NDFIP2: variants seen among roughly 807,000 people sequenced by gnomAD.
NDFIP2 encodes the protein Nedd4 family interacting protein 2, also known as NEDD4 family-interacting protein 2.
NDFIP2 carries 19 observed loss-of-function variants against 36.0 expected under a neutral mutation model. The ratio of observed to expected loss-of-function variants is 0.53; its 90% CI spans 0.37 to 0.77. The LOEUF is 0.77. Among genes scored for constraint, NDFIP2 ranks in the 30% least tolerant of loss-of-function variants. The pLI is 0.00. For synonymous variants in NDFIP2, 181 were observed against 167.7 expected, an observed-to-expected ratio of 1.08 and a Z score of -0.61; for missense variants, 446 against 435.8, an observed-to-expected ratio of 1.02 and a Z score of -0.21.
intron 1 of NDFIP2, among the ~76,000 whole-genome samples, chr13:79,507,292 G>C (rs1196216655): frequency 2.2e-3 from 5 of 2,298 alleles, no homozygotes; most frequent in South Asian, 0.014. Context: ...TTTTTTTTTT[G>C]AGACGGAGTC....
At chr13:79,481,579 A>G (rs1291587133) in intron 1 of NDFIP2, 55 bp downstream of exon 1, 4 of 1,498,146 alleles carry the variant, frequency 2.7e-6, no homozygotes, top group Non-Finnish European at 3.6e-6. Flanking sequence ...CGGCGTCCCG[A>G]GAGTCCCTTT....
At chr13:79,529,256 A>T (rs953592220) in intron 2 of NDFIP2, among the ~76,000 whole-genome samples, 3 of 152,222 alleles carry the variant, frequency 2.0e-5, no homozygotes, top group Admixed American at 6.5e-5. Flanking sequence ...GTAGATAAAA[A>T]TAAGTAAAAT....
At chr13:79,525,493 C>T (rs915581453) in intron 2 of NDFIP2, among the ~76,000 whole-genome samples, 2 of 152,080 alleles carry the variant, frequency 1.3e-5, no homozygotes, top group Non-Finnish European at 2.9e-5. Flanking sequence ...CTCTCTTTGG[C>T]ATATCTGAAT....
chr13:79,503,394 A>T (rs925680556), intron 1 of NDFIP2, among the ~76,000 whole-genome samples: 3 of 152,146 alleles, frequency 2.0e-5, no homozygotes, highest in African/African-American at 7.2e-5. Context: ...GGACTAGAGA[A>T]TTGAGGGTGC....
chr13:79,537,639 T>C (rs1358080681), intron 3 of NDFIP2, among the ~76,000 whole-genome samples: 2 of 152,202 alleles, frequency 1.3e-5, no homozygotes, highest in Non-Finnish European at 2.9e-5. Context: ...TAATAAGCAA[T>C]ATAAAATGGT....
At position 79,481,284 on chromosome 13, in the gene NDFIP2, C is replaced by T. The variant is rs1034113540; in HGVS notation, c.81C>T (p.Leu27=). The part of the protein sequence containing the change: ...LNSARGAPEL[L]RGTATNAEVS... ...GCGCGCGCGGCGCCCCGGAGCTTCT[C>T]CGCGGAACCGCGACCAACGCGGAGG... The change falls in exon 1 of 8, where the codon CTC becomes CTT. Residue 27 remains leucine (L), a synonymous_variant. Transcript: ENST00000218652. 17 of 1,538,630 alleles carry T rather than the reference C, an allele frequency of 1.1e-5. No homozygotes were observed. The highest frequency in any genetic ancestry group is 4.9e-5 in the East Asian group (2 of 40,894).
At chr13:79,542,513 T>G (rs962119526) in intron 4 of NDFIP2, among the ~76,000 whole-genome samples, 19 of 148,290 alleles carry the variant, frequency 1.3e-4, no homozygotes, top group Non-Finnish European at 1.5e-5. Flanking sequence ...CTGTTTTTTG[T>G]TTTTTTTTTC....
chr13:79,492,999 C>T (rs1413609372), intron 1 of NDFIP2, among the ~76,000 whole-genome samples: 1 of 152,102 alleles, frequency 6.6e-6, no homozygotes, highest in African/African-American at 2.4e-5. Flanking sequence ...ATCTCCATTT[C>T]CTGCTCTTTA....
chr13:79,543,135 C>A (rs1428185222), intron 4 of NDFIP2, among the ~76,000 whole-genome samples: 3 of 152,170 alleles, frequency 2.0e-5, no homozygotes, highest in Non-Finnish European at 4.4e-5. Flanking sequence ...CCTTGGCCTC[C>A]CAAAGTGCTG....
chr13:79,529,522 TA>T (rs1874929083), intron 2 of NDFIP2, among the ~76,000 whole-genome samples: 1 of 152,228 alleles, frequency 6.6e-6, no homozygotes, highest in South Asian at 2.1e-4. Flanking sequence ...CTTTTAAAAC[TA>T]AAGAAATCTG....
chr13:79,543,409 T>G (rs1482189596), intron 4 of NDFIP2, 149 bp from the exon 5 acceptor site: 4 of 956,618 alleles, frequency 4.2e-6, no homozygotes, highest in Non-Finnish European at 6.2e-6. Flanking sequence ...TTGCAAAAAG[T>G]AGGCTATAGT....
intron 2 of NDFIP2, among the ~76,000 whole-genome samples, chr13:79,524,492 T>A (rs778293393): frequency 2.0e-4 from 30 of 152,336 alleles, no homozygotes; most frequent in Admixed American, 1.2e-3. Flanking sequence ...GGCAAGTGTA[T>A]GTGGCCTTGA....
chr13:79,536,254 C>T (rs1178031483), intron 3 of NDFIP2, among the ~76,000 whole-genome samples: 1 of 152,070 alleles, frequency 6.6e-6, no homozygotes, highest in Non-Finnish European at 1.5e-5. Flanking sequence ...GGGTAGGGCT[C>T]TTTTTTTGTA....
Position 79,556,058 on chromosome 13 carries a change from TATC to T in NDFIP2, c.*3549_*3551del, listed in dbSNP as rs775358477. 2.6e-5 allele frequency: 4 copies of T among 152,194 alleles called. No homozygotes were observed. Among genetic ancestry groups the T allele is most frequent in the Admixed American group, 6.5e-5 (1 of 15,272 alleles). The allele number at this position is 152,194 out of a possible 1,614,324, so 9.4% of individuals were successfully genotyped here. A position where few individuals can be genotyped will look rare whatever the true frequency, so the allele number is the denominator to read the frequency against. On this transcript the variant is annotated 3_prime_UTR_variant, in exon 8 of 8. Transcript: ENST00000218652. ...TGTGGTTTAATTTTAATAAACAAAA[TATC>T]ATCTTTTTGAAAATAATTTATGTTC...
rs557609296 is a variant in NDFIP2 at position 79,545,797 on chromosome 13, T to A, written c.840+2115T>A. On this transcript the variant is annotated intron_variant, in intron 5 of 7. Transcript: ENST00000218652. ...TGTCGCCCAGGCTGGAGTGCAGTGG[T>A]GCCATCTTGGCTCACTGCAACCTCC... 2.6e-5 allele frequency among the ~76,000 whole-genome samples: 4 copies of A among 152,244 alleles called. No homozygotes were observed. In the East Asian group the frequency reaches 7.7e-4, roughly 29 times the overall value.
intron 5 of NDFIP2, among the ~76,000 whole-genome samples, chr13:79,547,758 G>A (rs1875741971): frequency 6.6e-6 from 1 of 152,032 alleles, no homozygotes; most frequent in South Asian, 2.1e-4. Flanking sequence ...CTCTCTGTTG[G>A]GAACTGAATG....
chr13:79,522,117 C>T (rs144295682), intron 2 of NDFIP2, among the ~76,000 whole-genome samples: 58 of 152,226 alleles, frequency 3.8e-4, no homozygotes, highest in African/African-American at 1.3e-3. Flanking sequence ...CGTGAGCCAC[C>T]GTGCCTGGCC....
intron 5 of NDFIP2, among the ~76,000 whole-genome samples, 187 bp from the exon 6 acceptor site, chr13:79,548,141 T>A (rs992066612): frequency 6.6e-6 from 1 of 152,118 alleles, no homozygotes; most frequent in Non-Finnish European, 1.5e-5. Context: ...TTGCATAAGA[T>A]GATTTTTTCT....
At chr13:79,509,923 T>C (rs1268104442) in intron 1 of NDFIP2, among the ~76,000 whole-genome samples, 2 of 152,186 alleles carry the variant, frequency 1.3e-5, no homozygotes, top group African/African-American at 4.8e-5. Flanking sequence ...CTAGCTGCGC[T>C]GGCAGTTGAT....
Sources: gnomAD v4.1 joint callset for allele counts (sites outside exome capture counted in the v4.1 genomes callset) on GRCh38, gnomAD v4.1.1 for gene constraint, MANE v1.5 for transcripts, NCBI Gene and HGNC (gene_info 2026-07-23, HGNC 2026-07-21) for gene names.